NKX2-5: variants seen among roughly 807,000 people sequenced by gnomAD.
NKX2-5 encodes the protein homeobox protein Nkx-2.5.
A neutral mutation model predicts 24.5 loss-of-function variants in NKX2-5; 3 were observed. The ratio of observed to expected loss-of-function variants is 0.12; its 90% CI spans 0.06 to 0.32. NKX2-5 has a LOEUF of 0.32. NKX2-5 is among the 10% of genes least tolerant of loss of function. The probability of loss-of-function intolerance (pLI) is 1.00; values close to 1 mark genes in which losing one functional copy is unlikely to be tolerated. For missense variants in NKX2-5, 429 were observed against 452.4 expected, an observed-to-expected ratio of 0.95 and a Z score of 0.47; for synonymous variants, 215 against 217.6, an observed-to-expected ratio of 0.99 and a Z score of 0.11.
intron 1 of NKX2-5, chr5:173,233,484 G>C: frequency 9.0e-7 from 1 of 1,105,134 alleles, no homozygotes; most frequent in South Asian, 1.5e-5. Context: ...GAGACAGACG[G>C]TGACTTAAAA....
chr5:173,233,505 C>CAAAAAAAAAAAAAAAAAAAAAAAAAG (rs763099269), intron 1 of NKX2-5: 1 of 386,208 alleles, frequency 2.6e-6, no homozygotes. Context: ...TTTCAGGCTG[C>CAAAAAAAAAAAAAAAAAAAAAAAAAG]AAAAAAAAAA....
rs1761356979 is a variant in NKX2-5 at position 173,233,023 on chromosome 5, A to C, written c.521T>G (p.Val174Gly). 1 of 1,609,684 alleles carries C rather than the reference A, an allele frequency of 6.2e-7. No homozygotes were observed. Among genetic ancestry groups the C allele is most frequent in the Non-Finnish European group, 8.5e-7 (1 of 1,178,520 alleles). ...SAPERDQLAS[V>G]LKLTSTQVKI... ...GACCTGCGTGGACGTGAGTTTCAGC[A>C]CGCTGGCCAGCTGGTCGCGTTCGGG... Residue 174 changes from valine to glycine, a missense_variant, in exon 2 of 2, where the codon GTG becomes GGG. Val to Gly is a moderately radical substitution (Grantham distance 109, BLOSUM62 -3). Around this residue, in one of 3 missense-constraint regions of NKX2-5, gnomAD observed 6 missense variants for 26.1 expected, o/e 0.23. Coordinates refer to ENST00000329198, the MANE Select transcript of NKX2-5 (RefSeq NM_004387.4).
rs1362035649 is a variant in NKX2-5, at chr5:173,234,177, C to T, written c.334+573G>A. On this transcript the variant is annotated intron_variant, in intron 1 of 1. Coordinates refer to ENST00000329198, the MANE Select transcript of NKX2-5 (RefSeq NM_004387.4). ...AAGTGAAGTCAGATTCCTGAGGGTC[C>T]GCAGTATCCCATTTTAAAATCAAGG... 19 of 1,278,200 alleles carry T rather than the reference C, an allele frequency of 1.5e-5. No individual in the cohort carries two copies. The South Asian group carries it at 2.1e-4, about 14-fold the overall frequency. The allele number at this position is 1,278,200 out of a possible 1,614,324, so 79.2% of individuals were successfully genotyped here. A position where few individuals can be genotyped will look rare whatever the true frequency, so the allele number is the denominator to read the frequency against.
rs1761358755 is a variant in NKX2-5 at position 173,233,071 on chromosome 5, T to C, written c.473A>G (p.Lys158Arg). 1 of 1,602,762 alleles carries C rather than the reference T, an allele frequency of 6.2e-7. No individual in the cohort carries two copies. The highest frequency in any genetic ancestry group is 8.5e-7 in the Non-Finnish European group (1 of 1,175,366). ...AQVYELERRF[K>R]QQRYLSAPER... is the part of the protein sequence containing the mutation. ...GGGGGCCGACAGGTACCGCTGCTGC[T>C]TGAAGCGCCGCTCCAGCTCATAGAC... is the stretch of plus-strand genomic sequence containing the variant. The change falls in exon 2 of 2, where the codon AAG (lysine) becomes AGG (arginine). Residue 158 changes from lysine (K) to arginine (R), a missense_variant. Physicochemically the swap from Lys to Arg is conservative, Grantham distance 26. Coordinates refer to ENST00000329198, the MANE Select transcript of NKX2-5 (RefSeq NM_004387.4).
At position 173,233,100 on chromosome 5, in the gene NKX2-5, C is replaced by A. The variant is rs776529245; in HGVS notation, c.444G>T (p.Ala148=). 2 of 1,599,440 alleles carry A rather than the reference C, an allele frequency of 1.3e-6. No homozygotes were observed. Among genetic ancestry groups the A allele is most frequent in the South Asian group, 2.2e-5 (2 of 89,418 alleles). ...RRKPRVLFSQ[A]QVYELERRFK... Reference sequence around the variant, plus strand: ...AGCGCCGCTCCAGCTCATAGACCTGCGCCTGCGAGAAGAGCACGCGCGGCT... The same window carrying A: ...AGCGCCGCTCCAGCTCATAGACCTGAGCCTGCGAGAAGAGCACGCGCGGCT... Residue 148 remains alanine, a synonymous_variant, in exon 2 of 2, where the codon GCG becomes GCT. Coordinates refer to ENST00000329198, the MANE Select transcript of NKX2-5 (RefSeq NM_004387.4).
rs1190828416 is a variant in NKX2-5, at chr5:173,235,176, G to A, written c.-93C>T. 3 of 1,298,318 alleles carry A rather than the reference G, an allele frequency of 2.3e-6. No homozygotes were observed. The highest frequency in any genetic ancestry group is 3.1e-6 in the Non-Finnish European group (3 of 953,562). The allele number at this position is 1,298,318 out of a possible 1,614,324, so 80.4% of individuals were successfully genotyped here. On this transcript the variant is annotated 5_prime_UTR_variant, in exon 1 of 2. Coordinates refer to ENST00000329198, the MANE Select transcript of NKX2-5 (RefSeq NM_004387.4). ...GCTTCCCTGCATGGTGCCGCCGCCC[G>A]CCCGCGCACCCGTCGGCCAGCTCTG...
At chr5:173,234,029 G>T (rs1344670699) in intron 1 of NKX2-5, 32 of 1,282,054 alleles carry the variant, frequency 2.5e-5, no homozygotes, top group Non-Finnish European at 2.2e-5. Context: ...GGGATGGCCT[G>T]CGGGATGATC....
At position 173,232,349 on chromosome 5, in the gene NKX2-5, A is replaced by G; in HGVS notation, c.*220T>C. On this transcript the variant is annotated 3_prime_UTR_variant, in exon 2 of 2. Transcript: ENST00000329198. The surrounding 1 kb of genome is among the most constrained non-coding windows in gnomAD (Gnocchi z 5.9). ...CTCCTGGGGGGACAGCTAAGACACCAGGCTGCAGGATCACTCATTGCACGC... is the reference window on the plus strand; with the variant it reads ...CTCCTGGGGGGACAGCTAAGACACCGGGCTGCAGGATCACTCATTGCACGC... 2.4e-6 allele frequency: 2 copies of G among 832,586 alleles called. No individual in the cohort carries two copies. The highest frequency in any genetic ancestry group is 5.5e-5 in the East Asian group (2 of 36,380). 51.6% of individuals were successfully genotyped at this position (832,586 alleles called of 1,614,324 possible).
chr5:173,233,062 C>A lies in NKX2-5; in HGVS notation c.482G>T (p.Arg161Leu). The A allele has an allele frequency of 6.2e-7, 1 of 1,603,758 alleles. No individual in the cohort carries two copies. The highest frequency in any genetic ancestry group is 8.5e-7 in the Non-Finnish European group (1 of 1,175,768). Residue 161 changes from arginine (R) to leucine (L), a missense_variant, in exon 2 of 2, where the codon CGG becomes CTG. Physicochemically the swap from Arg to Leu is moderately radical, Grantham distance 102. Around this residue, in one of 3 missense-constraint regions of NKX2-5, gnomAD observed 240 missense variants for 240.4 expected, o/e 1.00. Transcript: ENST00000329198. Reference protein sequence around the residue: ...YELERRFKQQRYLSAPERDQL... With the variant: ...YELERRFKQQLYLSAPERDQL... The stretch of plus-strand genomic sequence containing the variant: ...GTCGCGTTCGGGGGCCGACAGGTAC[C>A]GCTGCTGCTTGAAGCGCCGCTCCAG...
rs771533553 is a variant in NKX2-5, at chr5:173,232,936, T to C, written c.608A>G (p.Glu203Gly). The change falls in exon 2 of 2, where the codon GAG becomes GGG. Residue 203 changes from glutamate (E) to glycine (G), a missense_variant. Coordinates refer to ENST00000329198, the MANE Select transcript of NKX2-5 (RefSeq NM_004387.4). The surrounding 1 kb of genome is among the most constrained non-coding windows in gnomAD (Gnocchi z 5.9). ...CGGCGGCGGGGGCAGCCCCACCAGC[T>C]CCAGAGTCTGGTCCTGCCGCTGCCG... is the stretch of plus-strand genomic sequence containing the variant. ...CKRQRQDQTLELVGLPPPPPP... is the reference protein window; with the variant it reads ...CKRQRQDQTLGLVGLPPPPPP... The C allele has an allele frequency of 5.6e-6, 9 of 1,604,824 alleles. No homozygotes were observed. In the East Asian group the frequency reaches 6.7e-5, roughly 12 times the overall value.
chr5:173,234,728 G>A (rs1334536019), intron 1 of NKX2-5, 22 bp downstream of exon 1: 1 of 1,493,266 alleles, frequency 6.7e-7, no homozygotes, highest in Non-Finnish European at 8.9e-7. Context: ...AGGGGAGAAG[G>A]GGGCCTGTGT....
chr5:173,232,466 A>G lies in NKX2-5; in HGVS notation c.*103T>C. On this transcript the variant is annotated 3_prime_UTR_variant, in exon 2 of 2. Transcript: ENST00000329198. This position sits in a 1 kb window ranked among gnomAD's most constrained non-coding sequence, Gnocchi z 5.9. The stretch of plus-strand genomic sequence containing the variant: ...TAGGTCTCCGCAGGAGTGAATGCAA[A>G]ATCCAGGGGACTCAGGGTCATGTTG... 6.5e-7 allele frequency: 1 copy of G among 1,539,360 alleles called. No individual in the cohort carries two copies. The highest frequency in any genetic ancestry group is 8.7e-7 in the Non-Finnish European group (1 of 1,148,620).
At chr5:173,233,770 G>A (rs1206369132) in intron 1 of NKX2-5, 1 of 936,968 alleles carries the variant, frequency 1.1e-6, no homozygotes, top group Non-Finnish European at 1.3e-6. Context: ...AGGCGGCCTC[G>A]GAACCTGCCT....
chr5:173,234,670 G>C (rs1196728955), intron 1 of NKX2-5, 80 bp downstream of exon 1: 1 of 1,270,496 alleles, frequency 7.9e-7, no homozygotes, highest in Non-Finnish European at 1.1e-6. Flanking sequence ...AAGGGCGCGT[G>C]TCTCCTCCTC....
Position 173,234,965 on chromosome 5 carries a change from G to T in NKX2-5, c.119C>A (p.Thr40Asn). 1 of 1,612,074 alleles carries T rather than the reference G, an allele frequency of 6.2e-7. No homozygotes were observed. The highest frequency in any genetic ancestry group is 8.5e-7 in the Non-Finnish European group (1 of 1,179,544). Reference sequence around the variant, plus strand: ...CAGCATGCAGGAGGAGGGCGCCAGGGTCGCCTCCAGGCGGGCAGAGAGCTC... The same window carrying T: ...CAGCATGCAGGAGGAGGGCGCCAGGTTCGCCTCCAGGCGGGCAGAGAGCTC... ...AGELSARLEA[T>N]LAPSSCMLAA... Residue 40 changes from threonine to asparagine, a missense_variant, in exon 1 of 2, where the codon ACC becomes AAC. By Grantham distance (65) the Thr-to-Asn change is moderately conservative. This residue lies in a region of NKX2-5 where 240 missense variants were observed against 240.4 expected (regional missense o/e 1.00). Transcript: ENST00000329198.
rs556822771 is a variant in NKX2-5, at chr5:173,234,674, C to T, written c.334+76G>A. 610 of 1,299,104 alleles carry T rather than the reference C, an allele frequency of 4.7e-4. 1 individual carries two copies. In the African/African-American group the frequency reaches 8.4e-3, roughly 18 times the overall value. 80.5% of individuals were successfully genotyped at this position (1,299,104 alleles called of 1,614,324 possible). A position where few individuals can be genotyped will look rare whatever the true frequency, so the allele number is the denominator to read the frequency against. ...GCCCTCGGCCCAAGGGCGCGTGTCTCCTCCTCCTGGCCCTGAGTTTCTTGG... is the reference window on the plus strand; with the variant it reads ...GCCCTCGGCCCAAGGGCGCGTGTCTTCTCCTCCTGGCCCTGAGTTTCTTGG... On this transcript the variant is annotated intron_variant, in intron 1 of 1. Transcript: ENST00000329198.
rs531139209 is a variant in NKX2-5 at position 173,234,425 on chromosome 5, C to G, written c.334+325G>C. The G allele has an allele frequency of 5.1e-5, 36 of 701,668 alleles. No homozygotes were observed. The East Asian group carries it at 3.2e-3, about 63-fold the overall frequency. The allele number at this position is 701,668 out of a possible 1,614,324, so 43.5% of individuals were successfully genotyped here. ...AAAAACAGAGATTATCTGCTTGTCT[C>G]TCTGTTCTGTCTACCATAAACCGAT... On this transcript the variant is annotated intron_variant, in intron 1 of 1. Transcript: ENST00000329198.
At chr5:173,234,645 C>G in intron 1 of NKX2-5, 105 bp downstream of exon 1, 1 of 1,047,734 alleles carries the variant, frequency 9.5e-7, no homozygotes, top group Non-Finnish European at 1.3e-6. Flanking sequence ...CCCGCCGCAG[C>G]CCAGCCCTCG....
In NKX2-5 at chr5:173,232,752, G is replaced by A; in HGVS notation, c.792C>T (p.Cys264=). ...CGGCAGTGCAGCTGTAGCCAGGGCT[G>A]CAGGCCGCGCCGCCGTAACCCGGAT... ...PAYPGYGGAA[C]SPGYSCTAAY... The change falls in exon 2 of 2, where the codon TGC becomes TGT. Residue 264 remains cysteine (C), a synonymous_variant. Transcript: ENST00000329198. This position sits in a 1 kb window ranked among gnomAD's most constrained non-coding sequence, Gnocchi z 5.9. 2 of 1,604,048 alleles carry A rather than the reference G, an allele frequency of 1.2e-6. No homozygotes were observed. The highest frequency in any genetic ancestry group is 1.7e-6 in the Non-Finnish European group (2 of 1,175,518).
Sources: gnomAD v4.1 joint callset for allele counts on GRCh38, gnomAD v4.1.1 for gene constraint, gnomAD v4.1.1 regional missense constraint, Gnocchi (gnomAD v3.1) non-coding constraint, MANE v1.5 for transcripts, NCBI Gene and HGNC (gene_info 2026-07-23, HGNC 2026-07-21) for gene names.